The following CACNA1E variants were observed in gnomAD, a reference collection of about 807,000 sequenced individuals.
The protein encoded by CACNA1E is voltage-dependent R-type calcium channel subunit alpha-1E.
A neutral mutation model predicts 259.2 loss-of-function variants in CACNA1E; 40 were observed. The ratio of observed to expected loss-of-function variants is 0.15; its 90% CI spans 0.12 to 0.20. CACNA1E has a LOEUF of 0.20. Among genes scored for constraint, CACNA1E ranks in the 10% least tolerant of loss-of-function variants. CACNA1E has a pLI of 1.00. For synonymous variants in CACNA1E, 1,104 were observed against 1,138.5 expected (o/e 0.97, Z 0.61); for missense variants, 1,874 against 3,040.1 (o/e 0.62, Z 9.02).
At chr1:181,462,549 A>G (rs1209481102) in intron 2 of CACNA1E, among the ~76,000 whole-genome samples, 1 of 152,196 alleles carries the variant, frequency 6.6e-6, no homozygotes, top group Non-Finnish European at 1.5e-5. Flanking sequence ...AATATTTGCC[A>G]TATTTGCTTC....
chr1:181,546,230 G>A (rs1030903103), intron 3 of CACNA1E, among the ~76,000 whole-genome samples: 20 of 152,168 alleles, frequency 1.3e-4, no homozygotes, highest in Admixed American at 2.6e-4. Flanking sequence ...GAGGGAGGCT[G>A]GAAGAGAGGA....
chr1:181,407,135 GC>G (rs1657522066), intron 1 of CACNA1E, among the ~76,000 whole-genome samples: 1 of 152,114 alleles, frequency 6.6e-6, no homozygotes, highest in Non-Finnish European at 1.5e-5. Context: ...GAATGCACCA[GC>G]CTGTTAAATT....
chr1:181,552,375 T>C (rs900720915), intron 3 of CACNA1E, among the ~76,000 whole-genome samples: 2 of 152,254 alleles, frequency 1.3e-5, no homozygotes, highest in Non-Finnish European at 2.9e-5. Flanking sequence ...ACAGAAATGA[T>C]GATGGAATGC....
chr1:181,495,279 G>T (rs549944240), intron 1 of CACNA1E, among the ~76,000 whole-genome samples: 7 of 152,084 alleles, frequency 4.6e-5, no homozygotes, highest in Non-Finnish European at 8.8e-5. Context: ...GGTATTAGGG[G>T]GTCGTTGTTA....
intron 3 of CACNA1E, among the ~76,000 whole-genome samples, chr1:181,535,879 G>A (rs1401071302): frequency 1.3e-5 from 2 of 151,892 alleles, no homozygotes; most frequent in African/African-American, 4.8e-5. Context: ...TAGAGATGGG[G>A]TTTCACCATG....
intron 1 of CACNA1E, among the ~76,000 whole-genome samples, chr1:181,508,436 G>C (rs1018922587): frequency 6.6e-6 from 1 of 152,232 alleles, no homozygotes. Context: ...TCAGGAAAGG[G>C]TATGGATTCC....
intron 27 of CACNA1E, among the ~76,000 whole-genome samples, chr1:181,753,962 C>A (rs1657830762): frequency 6.6e-6 from 1 of 152,202 alleles, no homozygotes; most frequent in African/African-American, 2.4e-5. Context: ...TGGCCGACTG[C>A]TGTCCTCCCT....
intron 7 of CACNA1E, among the ~76,000 whole-genome samples, chr1:181,663,973 T>C (rs1647944543): frequency 6.6e-6 from 1 of 152,218 alleles, no homozygotes; most frequent in Admixed American, 6.5e-5. Flanking sequence ...TGTTATCCTA[T>C]AGGCAATTGT....
intron 2 of CACNA1E, among the ~76,000 whole-genome samples, chr1:181,432,235 A>G (rs1452062649): frequency 6.6e-6 from 1 of 152,184 alleles, no homozygotes; most frequent in African/African-American, 2.4e-5. Flanking sequence ...ATTTTTATCA[A>G]GAGACCTTCC....
intron 1 of CACNA1E, among the ~76,000 whole-genome samples, chr1:181,484,308 C>T (rs1663580832): frequency 6.6e-6 from 1 of 152,158 alleles, no homozygotes; most frequent in Non-Finnish European, 1.5e-5. Flanking sequence ...CCCCTCCCCA[C>T]CCCTACTCCC....
At chr1:181,696,172 A>G (rs1651685048) in intron 7 of CACNA1E, among the ~76,000 whole-genome samples, 1 of 152,206 alleles carries the variant, frequency 6.6e-6, no homozygotes, top group Admixed American at 6.5e-5. Flanking sequence ...GAAAATGAAT[A>G]TAAACAAGAC....
At chr1:181,633,745 G>A (rs12063843) in intron 6 of CACNA1E, among the ~76,000 whole-genome samples, 26,367 of 152,124 alleles carry the variant, frequency 0.17, 2,379 homozygotes, top group South Asian at 0.28. Context: ...GCCTGCCTTG[G>A]CCTCCCAAAG....
At chr1:181,731,975 G>T (rs1319060674) in intron 19 of CACNA1E, among the ~76,000 whole-genome samples, 1 of 151,910 alleles carries the variant, frequency 6.6e-6, no homozygotes, top group Non-Finnish European at 1.5e-5. Flanking sequence ...AGGGGGAGAG[G>T]AGGAGGAAAG....
At chr1:181,705,807 AG>A (rs1376913823) in intron 7 of CACNA1E, among the ~76,000 whole-genome samples, 2 of 152,146 alleles carry the variant, frequency 1.3e-5, no homozygotes, top group Non-Finnish European at 2.9e-5. Flanking sequence ...TTATGAGCCT[AG>A]GGTTTATGTG....
chr1:181,449,011 G>C (rs1393689296), intron 2 of CACNA1E, among the ~76,000 whole-genome samples: 1 of 152,250 alleles, frequency 6.6e-6, no homozygotes, highest in Non-Finnish European at 1.5e-5. Context: ...TGCAGAGAAA[G>C]ACCTTCCAGG....
intron 7 of CACNA1E, among the ~76,000 whole-genome samples, chr1:181,667,970 A>C (rs372483783): frequency 1.3e-5 from 2 of 152,154 alleles, no homozygotes; most frequent in Non-Finnish European, 2.9e-5. Context: ...TAACTGTAGC[A>C]CAATACCAAA....
intron 45 of CACNA1E, among the ~76,000 whole-genome samples, chr1:181,794,098 C>CT (rs914509997): frequency 1.3e-5 from 2 of 152,162 alleles, no homozygotes; most frequent in African/African-American, 4.8e-5. Flanking sequence ...CTTCTCCATC[C>CT]TTTTTTTGTT....
intron 7 of CACNA1E, among the ~76,000 whole-genome samples, chr1:181,705,056 A>G (rs1652659569): frequency 6.6e-6 from 1 of 152,206 alleles, no homozygotes; most frequent in African/African-American, 2.4e-5. Flanking sequence ...AATGTGAATG[A>G]CCGAAGACCC....
At chr1:181,795,463 CAG>C (rs1661705873) in intron 46 of CACNA1E, among the ~76,000 whole-genome samples, 2 of 150,384 alleles carry the variant, frequency 1.3e-5, no homozygotes, top group South Asian at 4.2e-4. Flanking sequence ...TTTTTTGAGA[CAG>C]AGTTTCACTC....
Sources: gnomAD v4.1 joint callset for allele counts (sites outside exome capture counted in the v4.1 genomes callset) on GRCh38, gnomAD v4.1.1 for gene constraint, MANE v1.5 for transcripts, NCBI Gene and HGNC (gene_info 2026-07-23, HGNC 2026-07-21) for gene names.